The following R3HDM2 variants were observed in gnomAD, a reference collection of about 807,000 sequenced individuals.
The protein encoded by R3HDM2 is R3H domain-containing protein 2.
Under a neutral mutation model 124.5 loss-of-function variants are expected in R3HDM2, and 38 were observed. The observed-to-expected ratio is 0.31, with a 90% CI of 0.24 to 0.40. The LOEUF (loss-of-function observed/expected upper bound fraction) is 0.40. Among genes scored for constraint, R3HDM2 ranks in the 10% least tolerant of loss-of-function variants. R3HDM2 has a pLI of 1.00. For synonymous variants in R3HDM2, 391 were observed against 448.0 expected (o/e 0.87, Z 1.61); for missense variants, 869 against 1,236.9 (o/e 0.70, Z 4.46).
intron 2 of R3HDM2, among the ~76,000 whole-genome samples, chr12:57,358,719 T>G (rs1479480334): frequency 6.6e-6 from 1 of 152,130 alleles, no homozygotes; most frequent in Non-Finnish European, 1.5e-5. Context: ...TAGTAAACAT[T>G]CTATGAATAC....
At chr12:57,307,305 G>GT (rs1346503286) in intron 3 of R3HDM2, among the ~76,000 whole-genome samples, 18 of 118,482 alleles carry the variant, frequency 1.5e-4, no homozygotes, top group South Asian at 6.0e-4. Flanking sequence ...AGAAATGCTG[G>GT]GTTTTTTTGT....
At chr12:57,324,270 A>G (rs1250892770) in intron 2 of R3HDM2, among the ~76,000 whole-genome samples, 1 of 152,056 alleles carries the variant, frequency 6.6e-6, no homozygotes. Flanking sequence ...TGCAATCTCC[A>G]TCTCCTGGGT....
At chr12:57,271,622 A>G (rs1024620116) in intron 14 of R3HDM2, among the ~76,000 whole-genome samples, 6 of 152,228 alleles carry the variant, frequency 3.9e-5, no homozygotes, top group Non-Finnish European at 5.9e-5. Context: ...ATTCCAGGAC[A>G]ATCAACATGG....
chr12:57,332,227 T>C (rs1345816681), intron 2 of R3HDM2, among the ~76,000 whole-genome samples: 2 of 151,340 alleles, frequency 1.3e-5, no homozygotes, highest in East Asian at 1.9e-4. Context: ...CTGAGCAACA[T>C]AGTGGAACCC....
intron 1 of R3HDM2, among the ~76,000 whole-genome samples, chr12:57,424,358 CATT>C (rs2070506415): frequency 6.6e-6 from 1 of 151,946 alleles, no homozygotes; most frequent in African/African-American, 2.4e-5. Flanking sequence ...GATGGGGTTT[CATT>C]ATGTTAGCCA....
At chr12:57,304,642 T>C (rs555080751) in intron 3 of R3HDM2, 1 of 407,474 alleles carries the variant, frequency 2.5e-6, no homozygotes, top group East Asian at 1.6e-4. Context: ...GGAAGATTCA[T>C]AGTCCAGAAA....
chr12:57,291,160 A>T (rs12296766), intron 11 of R3HDM2, among the ~76,000 whole-genome samples: 3 of 151,134 alleles, frequency 2.0e-5, no homozygotes, highest in African/African-American at 7.3e-5. Flanking sequence ...AGTTTGCTGT[A>T]TATCAGTTCC....
chr12:57,268,205 C>A, intron 18 of R3HDM2, 98 bp downstream of exon 18: 1 of 1,370,300 alleles, frequency 7.3e-7, no homozygotes, highest in Non-Finnish European at 1.0e-6. Context: ...GGGATCTTTA[C>A]CCCTGCCTTT....
chr12:57,254,138 C>T lies in R3HDM2; in HGVS notation c.*635G>A. ...TAATAGGAGGACAGTGTGGGACTTT[C>T]CCAATTCTACCTGACCAAAAAATGA... On this transcript the variant is annotated 3_prime_UTR_variant, in exon 24 of 24. Coordinates refer to ENST00000402412, the MANE Select transcript of R3HDM2 (RefSeq NM_001394031.1). The T allele has an allele frequency of 6.6e-6, 3 of 455,688 alleles. No individual in the cohort carries two copies. The highest frequency in any genetic ancestry group is 1.3e-5 in the Non-Finnish European group (3 of 226,610). The allele number at this position is 455,688 out of a possible 1,614,324, so 28.2% of individuals were successfully genotyped here.
At chr12:57,258,312 T>TTATC (rs1299560171) in intron 20 of R3HDM2, among the ~76,000 whole-genome samples, 175 bp from the exon 21 acceptor site, 1 of 116,798 alleles carries the variant, frequency 8.6e-6, no homozygotes, top group African/African-American at 4.8e-5. Flanking sequence ...TTATGCTATT[T>TTATC]TATTTATTTA....
intron 1 of R3HDM2, chr12:57,415,298 G>A (rs369142270): frequency 6.6e-6 from 1 of 152,104 alleles, no homozygotes; most frequent in African/African-American, 2.4e-5. Flanking sequence ...CACCAGTGGT[G>A]CTCGCTTCCA....
chr12:57,359,018 A>G (rs2061596227), intron 2 of R3HDM2, among the ~76,000 whole-genome samples: 1 of 151,858 alleles, frequency 6.6e-6, no homozygotes, highest in South Asian at 2.1e-4. Context: ...CCTGGGTTCA[A>G]GTAATTCTCC....
chr12:57,398,080 G>T (rs973787712), intron 1 of R3HDM2, among the ~76,000 whole-genome samples: 4 of 151,328 alleles, frequency 2.6e-5, no homozygotes, highest in East Asian at 1.9e-4. Flanking sequence ...TACTCAGGAG[G>T]CTGAAGCAGG....
chr12:57,305,216 T>C (rs974461772), intron 3 of R3HDM2, among the ~76,000 whole-genome samples: 1 of 152,100 alleles, frequency 6.6e-6, no homozygotes, highest in Non-Finnish European at 1.5e-5. Context: ...AAACATATTA[T>C]ACATACTACT....
chr12:57,265,045 T>C (rs1316766413), intron 19 of R3HDM2, among the ~76,000 whole-genome samples: 4 of 152,066 alleles, frequency 2.6e-5, no homozygotes, highest in Middle Eastern at 3.2e-3. Context: ...GCAAAGGCAG[T>C]GAAAGGCTGC....
At chr12:57,337,637 A>C (rs1194200786) in intron 2 of R3HDM2, among the ~76,000 whole-genome samples, 1 of 152,210 alleles carries the variant, frequency 6.6e-6, no homozygotes, top group East Asian at 1.9e-4. Flanking sequence ...AAAAAACCCG[A>C]AACATTGCAC....
At chr12:57,381,275 C>T (rs2064830069) in intron 2 of R3HDM2, among the ~76,000 whole-genome samples, 1 of 151,848 alleles carries the variant, frequency 6.6e-6, no homozygotes, top group Admixed American at 6.6e-5. Context: ...CAAATGAGGC[C>T]GGGCACGGTG....
At chr12:57,331,809 G>A (rs1318885338) in intron 2 of R3HDM2, among the ~76,000 whole-genome samples, 1 of 151,986 alleles carries the variant, frequency 6.6e-6, no homozygotes, top group Non-Finnish European at 1.5e-5. Flanking sequence ...AGCTACTTGG[G>A]AGGCTGAGGC....
At chr12:57,310,577 A>G (rs2053691985) in intron 2 of R3HDM2, 114 bp from the exon 3 acceptor site, 3 of 501,680 alleles carry the variant, frequency 6.0e-6, no homozygotes, top group South Asian at 9.2e-5. Flanking sequence ...TTAACCCAGA[A>G]AAGAGTTATT....
Sources: gnomAD v4.1 joint callset for allele counts (sites outside exome capture counted in the v4.1 genomes callset) on GRCh38, gnomAD v4.1.1 for gene constraint, MANE v1.5 for transcripts, NCBI Gene and HGNC (gene_info 2026-07-23, HGNC 2026-07-21) for gene names.